The following ADPGK variants were observed in gnomAD, a reference collection of about 807,000 sequenced individuals.
The protein encoded by ADPGK is ADP-dependent glucokinase.
A neutral mutation model predicts 42.4 loss-of-function variants in ADPGK; 26 were observed. The observed-to-expected ratio is 0.61, with a 90% confidence interval of 0.45 to 0.85. ADPGK has a LOEUF of 0.85. ADPGK is among the 40% of genes least tolerant of loss of function. The pLI, the probability that ADPGK is intolerant of heterozygous loss-of-function variation, is 0.00. For missense variants in ADPGK, 571 were observed against 627.0 expected (o/e 0.91, Z 0.95); for synonymous variants, 267 against 252.6 (o/e 1.06, Z -0.54).
At chr15:72,779,631 C>A (rs1285755130) in intron 1 of ADPGK, among the ~76,000 whole-genome samples, 1 of 152,086 alleles carries the variant, frequency 6.6e-6, no homozygotes, top group Non-Finnish European at 1.5e-5. Flanking sequence ...TAAAACTCCT[C>A]CTATCCTTTA....
chr15:72,771,587 G>A (rs1285348659), intron 3 of ADPGK, among the ~76,000 whole-genome samples, 196 bp downstream of exon 3: 2 of 152,198 alleles, frequency 1.3e-5, no homozygotes, highest in African/African-American at 4.8e-5. Flanking sequence ...TAAAGACAAT[G>A]TCAGGCACAG....
At chr15:72,770,172 G>A (rs1020903910) in intron 3 of ADPGK, among the ~76,000 whole-genome samples, 1 of 152,202 alleles carries the variant, frequency 6.6e-6, no homozygotes, top group African/African-American at 2.4e-5. Flanking sequence ...TTACTAGCCA[G>A]GTGCCCCTGG....
intron 4 of ADPGK, chr15:72,758,428 T>TG (rs777722657): frequency 1.8e-5 from 8 of 441,348 alleles, no homozygotes; most frequent in African/African-American, 4.0e-5. Flanking sequence ...AGAGAGAATG[T>TG]GGAAAAAAAA....
In ADPGK at chr15:72,774,999, G is replaced by C; in HGVS notation, c.332C>G (p.Ser111Ter). 1 of 1,614,104 alleles carries C rather than the reference G, an allele frequency of 6.2e-7. No homozygotes were observed. The highest frequency in any genetic ancestry group is 8.5e-7 in the Non-Finnish European group (1 of 1,180,006). The stretch of plus-strand genomic sequence containing the variant: ...GAAGGCTTCTTCCAGATCATTCCTT[G>C]AATGCAGAATGCTGTGATCTTTCCC... ...GNGKDHSILH[S>*]RNDLEEAFIH... Residue 111 changes from serine (S) to a stop codon, truncating the protein, a stop_gained, in exon 2 of 7, where the codon TCA becomes TGA. Transcript: ENST00000456471. LOFTEE classifies it high-confidence loss of function.
intron 3 of ADPGK, among the ~76,000 whole-genome samples, chr15:72,766,548 T>C (rs1464025896): frequency 6.6e-6 from 1 of 152,238 alleles, no homozygotes; most frequent in Non-Finnish European, 1.5e-5. Context: ...CACTCTAAAA[T>C]TGTGTACACT....
intron 2 of ADPGK, among the ~76,000 whole-genome samples, chr15:72,774,299 G>A (rs2066363353): frequency 6.6e-6 from 1 of 152,140 alleles, no homozygotes; most frequent in Admixed American, 6.5e-5. Context: ...GAATGGGGTG[G>A]GGGCAAGACA....
chr15:72,760,186 T>C (rs1459806881), intron 4 of ADPGK: 2 of 348,164 alleles, frequency 5.7e-6, no homozygotes, highest in African/African-American at 2.1e-5. Flanking sequence ...GCAATTCTGC[T>C]TGTAGACCTG....
rs771012392 is a variant in ADPGK at position 72,755,533 on chromosome 15, A to T, written c.939+23T>A. 23 of 1,587,140 alleles carry T rather than the reference A, an allele frequency of 1.4e-5. No individual in the cohort carries two copies. The South Asian group carries it at 2.6e-4, about 18-fold the overall frequency. On this transcript the variant is annotated intron_variant, in intron 6 of 6. Coordinates refer to ENST00000456471, the MANE Select transcript of ADPGK (RefSeq NM_001365225.1). Reference sequence around the variant, plus strand: ...GCAAGGCTCTATGAGGATCAGGGCCAAACGATGGTCCCATGAGGTTACCTG... The same window carrying T: ...GCAAGGCTCTATGAGGATCAGGGCCTAACGATGGTCCCATGAGGTTACCTG...
At chr15:72,759,083 G>A (rs974264166) in intron 4 of ADPGK, among the ~76,000 whole-genome samples, 18 of 152,116 alleles carry the variant, frequency 1.2e-4, no homozygotes, top group Non-Finnish European at 2.5e-4. Flanking sequence ...GATTATAGGC[G>A]CCCGCCTCCA....
chr15:72,753,924 T>A (rs2066078684), intron 6 of ADPGK, among the ~76,000 whole-genome samples: 1 of 152,118 alleles, frequency 6.6e-6, no homozygotes, highest in Admixed American at 6.5e-5. Context: ...TGGGTGCTGA[T>A]GACGTGCCTG....
chr15:72,752,112 T>C lies in ADPGK; in HGVS notation c.*229A>G, dbSNP rs566575894. 2 of 513,866 alleles carry C rather than the reference T, an allele frequency of 3.9e-6. No homozygotes were observed. The highest frequency in any genetic ancestry group is 6.5e-5 in the East Asian group (2 of 30,986). The allele number at this position is 513,866 out of a possible 1,614,324, so 31.8% of individuals were successfully genotyped here. ...CTGCATAAACTGGGGATTTGGGAAC[T>C]GAGTTTTTAGCTCTGTGACACACAA... On this transcript the variant is annotated 3_prime_UTR_variant, in exon 7 of 7. Transcript: ENST00000456471.
Position 72,779,076 on chromosome 15 carries a change from T to G in ADPGK, c.234-3979A>C, listed in dbSNP as rs536053186. On this transcript the variant is annotated intron_variant, in intron 1 of 6. Transcript: ENST00000456471. ...TTATCTGATGATACTGAAACCCACGTAGGAAGTATACACAAGCAAAGTTGT... is the reference window on the plus strand; with the variant it reads ...TTATCTGATGATACTGAAACCCACGGAGGAAGTATACACAAGCAAAGTTGT... 2.6e-5 allele frequency among the ~76,000 whole-genome samples: 4 copies of G among 152,112 alleles called. No individual in the cohort carries two copies. In the South Asian group the frequency reaches 8.3e-4, roughly 32 times the overall value.
intron 6 of ADPGK, among the ~76,000 whole-genome samples, chr15:72,754,181 G>T (rs570221146): frequency 6.6e-6 from 1 of 151,854 alleles, no homozygotes; most frequent in African/African-American, 2.4e-5. Context: ...GAGTATTCAA[G>T]GATGTGGAAC....
At chr15:72,782,458 G>A (rs748244962) in intron 1 of ADPGK, among the ~76,000 whole-genome samples, 2 of 147,322 alleles carry the variant, frequency 1.4e-5, no homozygotes, top group African/African-American at 5.1e-5. Flanking sequence ...TCGGGAGTTC[G>A]AGGCTGCAGT....
intron 3 of ADPGK, among the ~76,000 whole-genome samples, chr15:72,762,393 C>A (rs1442096259): frequency 6.6e-6 from 1 of 152,146 alleles, no homozygotes; most frequent in Non-Finnish European, 1.5e-5. Context: ...CTGCTTTGTA[C>A]AGAGGTACTT....
intron 2 of ADPGK, among the ~76,000 whole-genome samples, chr15:72,774,027 G>A (rs2151089370): frequency 6.6e-6 from 1 of 152,230 alleles, no homozygotes; most frequent in African/African-American, 2.4e-5. Context: ...ATTTTTTGTA[G>A]AGACAGGGTT....
intron 3 of ADPGK, among the ~76,000 whole-genome samples, chr15:72,765,904 T>C (rs758116273): frequency 3.3e-5 from 5 of 152,246 alleles, no homozygotes; most frequent in Non-Finnish European, 5.9e-5. Flanking sequence ...ACAAAAGATT[T>C]AGAGTATTAC....
intron 4 of ADPGK, 85 bp downstream of exon 4, chr15:72,760,322 T>C (rs1396603257): frequency 7.0e-7 from 1 of 1,426,300 alleles, no homozygotes; most frequent in East Asian, 2.5e-5. Context: ...TTTACAAAGA[T>C]AAATTTCCGG....
intron 1 of ADPGK, among the ~76,000 whole-genome samples, chr15:72,780,411 C>G (rs2066443211): frequency 6.6e-6 from 1 of 152,210 alleles, no homozygotes; most frequent in African/African-American, 2.4e-5. Flanking sequence ...TTACCTCCAC[C>G]TGGTCTCTCC....
Sources: gnomAD v4.1 joint callset for allele counts (sites outside exome capture counted in the v4.1 genomes callset) on GRCh38, gnomAD v4.1.1 for gene constraint, MANE v1.5 for transcripts, NCBI Gene and HGNC (gene_info 2026-07-23, HGNC 2026-07-21) for gene names.